The following TMC1 variants were observed in gnomAD, a reference collection of about 807,000 sequenced individuals.
The protein encoded by TMC1 is transmembrane channel-like protein 1.
In TMC1, 84 loss-of-function variants were observed where a neutral mutation model predicts 105.8. That is an observed-to-expected ratio of 0.79 (90% CI 0.67 to 0.95). The LOEUF is 0.95. Ranked by LOEUF, TMC1 falls within the 40% of genes least tolerant of loss-of-function variation. TMC1 has a pLI of 0.00. For synonymous variants in TMC1, 315 were observed against 311.5 expected (o/e 1.01, Z -0.12); for missense variants, 817 against 914.1 (o/e 0.89, Z 1.37).
intron 4 of TMC1, among the ~76,000 whole-genome samples, chr9:72,639,556 G>A (rs534649352): frequency 6.6e-6 from 1 of 152,174 alleles, no homozygotes. Flanking sequence ...GTTGTATCTG[G>A]ATATACATAT....
At chr9:72,606,673 CT>C (rs552560383) in intron 2 of TMC1, among the ~76,000 whole-genome samples, 1 of 151,982 alleles carries the variant, frequency 6.6e-6, no homozygotes. Context: ...AAAATACTTA[CT>C]TTTTTTGTCA....
At chr9:72,823,766 T>G (rs1468768606) in intron 20 of TMC1, among the ~76,000 whole-genome samples, 1 of 152,216 alleles carries the variant, frequency 6.6e-6, no homozygotes, top group East Asian at 1.9e-4. Flanking sequence ...GTTCTCTAGG[T>G]TTTTATATAC....
intron 5 of TMC1, among the ~76,000 whole-genome samples, chr9:72,677,607 A>C (rs1263465311): frequency 6.6e-6 from 1 of 152,146 alleles, no homozygotes; most frequent in Non-Finnish European, 1.5e-5. Context: ...ATATTTACTA[A>C]ATGACAAGAG....
intron 5 of TMC1, among the ~76,000 whole-genome samples, chr9:72,688,254 A>G (rs1317358812): frequency 6.6e-6 from 1 of 152,156 alleles, no homozygotes; most frequent in African/African-American, 2.4e-5. Context: ...CATGCTTGGT[A>G]AAAGTGTTTG....
intron 2 of TMC1, among the ~76,000 whole-genome samples, chr9:72,590,671 G>A (rs1476048499): frequency 9.2e-5 from 14 of 152,180 alleles, no homozygotes; most frequent in Non-Finnish European, 2.1e-4. Context: ...GAGGAAGATG[G>A]ACATGAATCC....
chr9:72,713,411 T>C (rs1826867393), intron 8 of TMC1, among the ~76,000 whole-genome samples: 1 of 152,172 alleles, frequency 6.6e-6, no homozygotes, highest in Non-Finnish European at 1.5e-5. Context: ...TCCTGGACTT[T>C]TTGGTTGGTA....
intron 5 of TMC1, among the ~76,000 whole-genome samples, chr9:72,654,031 C>T (rs764369914): frequency 1.1e-4 from 17 of 152,140 alleles, no homozygotes; most frequent in Non-Finnish European, 1.8e-4. Flanking sequence ...TATCCATTCA[C>T]CAGTTAATGG....
At chr9:72,604,831 G>A (rs148458386) in intron 2 of TMC1, among the ~76,000 whole-genome samples, 59 of 152,302 alleles carry the variant, frequency 3.9e-4, no homozygotes, top group Non-Finnish European at 5.7e-4. Flanking sequence ...GTGGGACAGA[G>A]GTAATTTCTT....
intron 1 of TMC1, among the ~76,000 whole-genome samples, chr9:72,544,425 G>T (rs1034002886): frequency 1.3e-5 from 2 of 150,650 alleles, no homozygotes; most frequent in Non-Finnish European, 2.9e-5. Flanking sequence ...TGAGCTTGCT[G>T]CTTCTTCCAG....
At chr9:72,628,799 G>C (rs999937928) in intron 4 of TMC1, among the ~76,000 whole-genome samples, 14 of 152,102 alleles carry the variant, frequency 9.2e-5, no homozygotes, top group Non-Finnish European at 1.2e-4. Flanking sequence ...CTTGCCTTTG[G>C]AAAGTATAAT....
chr9:72,822,514 TTGTGTGTGTGTGTGTGTGTGTGTG>T (rs368968408), intron 20 of TMC1, among the ~76,000 whole-genome samples: 42 of 135,864 alleles, frequency 3.1e-4, no homozygotes, highest in Non-Finnish European at 5.9e-4. Context: ...GTTAATTCCG[TTGTGTGTGTGTGTGTGTGTGTGTG>T]TGTGTGTGTG....
chr9:72,653,894 C>G (rs1825848504), intron 5 of TMC1, among the ~76,000 whole-genome samples: 1 of 152,162 alleles, frequency 6.6e-6, no homozygotes. Flanking sequence ...ACAGTAAGTA[C>G]TCTTTTGTGC....
chr9:72,774,065 G>A (rs1177203157), intron 13 of TMC1, among the ~76,000 whole-genome samples: 1 of 152,092 alleles, frequency 6.6e-6, no homozygotes, highest in Non-Finnish European at 1.5e-5. Flanking sequence ...TATTTTATTA[G>A]CCTATAATTC....
intron 8 of TMC1, among the ~76,000 whole-genome samples, chr9:72,739,527 A>G (rs1017690195): frequency 2.0e-5 from 3 of 152,238 alleles, no homozygotes; most frequent in Non-Finnish European, 2.9e-5. Context: ...GAGTAATGTT[A>G]AAGTTTACAT....
intron 1 of TMC1, among the ~76,000 whole-genome samples, chr9:72,572,345 A>T (rs1824303002): frequency 6.6e-6 from 1 of 151,818 alleles, no homozygotes; most frequent in Non-Finnish European, 1.5e-5. Context: ...TATAGGGTGT[A>T]CCACCACATC....
chr9:72,740,327 T>C, intron 9 of TMC1, 118 bp downstream of exon 9: 1 of 799,824 alleles, frequency 1.3e-6, no homozygotes, highest in South Asian at 1.5e-5. Flanking sequence ...CAAATACTCA[T>C]ACAGTATATA....
rs73647678 is a variant in TMC1, at chr9:72,633,046, G to C, written c.-53+4983G>C. On this transcript the variant is annotated intron_variant, in intron 4 of 23. Transcript: ENST00000297784. ...TAAGATAAATGTAACAAAATAAAAT[G>C]AGCTTCAAGGTGTATTTTGGTCACT... 3.1e-3 allele frequency among the ~76,000 whole-genome samples: 468 copies of C among 151,908 alleles called. 4 individuals are homozygous for C. Among genetic ancestry groups the C allele is most frequent in the African/African-American group, 0.011 (451 of 41,452 alleles).
chr9:72,723,450 A>G (rs1013653543), intron 8 of TMC1, among the ~76,000 whole-genome samples: 4 of 152,154 alleles, frequency 2.6e-5, no homozygotes, highest in Non-Finnish European at 5.9e-5. Flanking sequence ...TTTTCATTCT[A>G]TTGGAATAAG....
chr9:72,646,058 A>G (rs950760300), intron 4 of TMC1, among the ~76,000 whole-genome samples: 4 of 152,214 alleles, frequency 2.6e-5, no homozygotes, highest in African/African-American at 9.7e-5. Flanking sequence ...GAATCAGCTT[A>G]TCAAGTCATG....
Sources: gnomAD v4.1 joint callset for allele counts (sites outside exome capture counted in the v4.1 genomes callset) on GRCh38, gnomAD v4.1.1 for gene constraint, MANE v1.5 for transcripts, NCBI Gene and HGNC (gene_info 2026-07-23, HGNC 2026-07-21) for gene names.